Variants in ACTR3C observed in about 807,000 individuals in gnomAD.
ACTR3C encodes the protein actin related protein 3C.
In ACTR3C, 18 loss-of-function variants were observed where a neutral mutation model predicts 26.3. The ratio of observed to expected loss-of-function variants is 0.68; its 90% CI spans 0.47 to 1.01. The LOEUF is 1.01. Ranked by LOEUF, ACTR3C falls within the 50% of genes least tolerant of loss-of-function variation. The pLI is 0.00. For missense variants in ACTR3C, 184 were observed against 250.7 expected (o/e 0.73, Z 1.80); for synonymous variants, 55 against 94.5 (o/e 0.58, Z 2.42).
chr7:150,292,587 A>G (rs2531052), intron 3 of ACTR3C, among the ~76,000 whole-genome samples: 27,184 of 147,146 alleles, frequency 0.18, 3,366 homozygotes, highest in African/African-American at 0.34. Context: ...TGCAACCTCC[A>G]TCTCCCGGGT....
chr7:150,122,022 C>T, the ACTR3C span, among the ~76,000 whole-genome samples: 1 of 152,010 alleles, frequency 6.6e-6, no homozygotes. Context: ...AACTGTCTAG[C>T]CATATGCAGA....
chr7:150,295,118 T>A lies in ACTR3C; in HGVS notation c.45+134A>T, dbSNP rs1036132948. 6 of 1,075,332 alleles carry A rather than the reference T, an allele frequency of 5.6e-6. No homozygotes were observed. In the Admixed American group the frequency reaches 8.1e-5, roughly 14 times the overall value. 66.6% of individuals were successfully genotyped at this position (1,075,332 alleles called of 1,614,324 possible). On this transcript the variant is annotated intron_variant, in intron 2 of 7. Transcript: ENST00000683684. ...ACCTTCCCTATAGTCCTGAATGGCA[T>A]GGGGACGGGGGAGGGAGTGGAAAAA...
chr7:150,037,986 TC>T, the ACTR3C span, among the ~76,000 whole-genome samples: 89 of 127,824 alleles, frequency 7.0e-4, 11 homozygotes, highest in East Asian at 4.0e-3. Context: ...AGGTTCGCAG[TC>T]CCCGCCTCGC....
the ACTR3C span, among the ~76,000 whole-genome samples, chr7:150,037,809 A>C: frequency 4.0e-5 from 2 of 49,874 alleles, no homozygotes; most frequent in African/African-American, 1.1e-4. Flanking sequence ...CCAGCGGGGG[A>C]AGAGGGACTG....
At chr7:149,893,224 G>C in the ACTR3C span, among the ~76,000 whole-genome samples, 1 of 152,046 alleles carries the variant, frequency 6.6e-6, no homozygotes, top group Non-Finnish European at 1.5e-5. Context: ...TCACTTGAGG[G>C]CTTCCTTGAC....
At chr7:150,192,346 T>C in the ACTR3C span, among the ~76,000 whole-genome samples, 1 of 152,206 alleles carries the variant, frequency 6.6e-6, no homozygotes, top group African/African-American at 2.4e-5. Context: ...AGAGCACTGC[T>C]GGAGTGCAGT....
At chr7:150,037,082 C>G in the ACTR3C span, among the ~76,000 whole-genome samples, 4 of 74,092 alleles carry the variant, frequency 5.4e-5, no homozygotes, top group African/African-American at 2.1e-4. Context: ...GCCTCCCCCT[C>G]GTGCGATGGG....
the ACTR3C span, among the ~76,000 whole-genome samples, chr7:150,193,412 T>A: frequency 6.6e-6 from 1 of 150,912 alleles, no homozygotes; most frequent in Non-Finnish European, 1.5e-5. Flanking sequence ...TATTTTCTTT[T>A]TTTTTTTTTG....
At chr7:149,913,403 C>G in the ACTR3C span, among the ~76,000 whole-genome samples, 11 of 152,262 alleles carry the variant, frequency 7.2e-5, no homozygotes, top group Admixed American at 7.2e-4. Flanking sequence ...ATAGGGGAGG[C>G]GGGTGGACAT....
downstream of ACTR3C, chr7:150,243,851 CA>C (rs1360079631): frequency 6.6e-6 from 1 of 151,854 alleles, no homozygotes; most frequent in African/African-American, 2.4e-5. Context: ...TCCACGAATT[CA>C]GAACCCATGG....
the ACTR3C span, among the ~76,000 whole-genome samples, chr7:150,082,979 T>C: frequency 7.6e-6 from 1 of 132,264 alleles, no homozygotes; most frequent in East Asian, 2.5e-4. Flanking sequence ...AAGGGCTCAC[T>C]CTGTCATCCA....
At chr7:150,217,679 T>TA in the ACTR3C span, among the ~76,000 whole-genome samples, 1 of 150,254 alleles carries the variant, frequency 6.7e-6, no homozygotes, top group African/African-American at 2.5e-5. Context: ...CTCCTGCCTC[T>TA]ACTGGGGCCA....
At chr7:150,035,808 C>T in the ACTR3C span, among the ~76,000 whole-genome samples, 3 of 128,338 alleles carry the variant, frequency 2.3e-5, no homozygotes, top group Non-Finnish European at 5.2e-5. Context: ...GAACCAGGGA[C>T]TGGCTCTCAG....
chr7:150,047,145 G>C, the ACTR3C span, among the ~76,000 whole-genome samples: 1 of 151,810 alleles, frequency 6.6e-6, no homozygotes, highest in Non-Finnish European at 1.5e-5. Context: ...GTGAGTAGGA[G>C]AGGAGGGGCA....
chr7:150,100,879 A>T, the ACTR3C span, among the ~76,000 whole-genome samples: 1 of 151,308 alleles, frequency 6.6e-6, no homozygotes, highest in Non-Finnish European at 1.5e-5. Context: ...TAATTTTTGT[A>T]TTTCTAGTAG....
the ACTR3C span, among the ~76,000 whole-genome samples, chr7:150,068,612 AC>A: frequency 2.7e-5 from 3 of 111,106 alleles, no homozygotes; most frequent in East Asian, 8.8e-4. Context: ...CCCCGTCTCT[AC>A]TAAAAATACA....
At chr7:150,283,342 C>T (rs903559955) in intron 6 of ACTR3C, among the ~76,000 whole-genome samples, 1 of 150,084 alleles carries the variant, frequency 6.7e-6, no homozygotes, top group Non-Finnish European at 1.5e-5. Context: ...CTTTCTAGTT[C>T]CCCTTTCTTT....
chr7:150,161,864 A>G, the ACTR3C span, among the ~76,000 whole-genome samples: 2 of 151,998 alleles, frequency 1.3e-5, no homozygotes, highest in Non-Finnish European at 2.9e-5. Context: ...TTCCAACAAC[A>G]ACAACTGCTA....
At chr7:150,186,464 C>T in the ACTR3C span, among the ~76,000 whole-genome samples, 2 of 152,072 alleles carry the variant, frequency 1.3e-5, no homozygotes, top group Admixed American at 6.6e-5. Context: ...TGTTATAATC[C>T]AAATGGGAAC....
Sources: gnomAD v4.1 joint callset for allele counts (sites outside exome capture counted in the v4.1 genomes callset) on GRCh38, gnomAD v4.1.1 for gene constraint, MANE v1.5 for transcripts, NCBI Gene and HGNC (gene_info 2026-07-23, HGNC 2026-07-21) for gene names.